TRAPPC9: variants seen among roughly 807,000 people sequenced by gnomAD.
The protein encoded by TRAPPC9 is IKK2 binding protein.
In TRAPPC9, 83 loss-of-function variants were observed where a neutral mutation model predicts 124.0. That is an observed-to-expected ratio of 0.67 (90% CI 0.56 to 0.80). TRAPPC9 has a LOEUF of 0.80. Among genes scored for constraint, TRAPPC9 ranks in the 30% least tolerant of loss-of-function variants. The pLI, the probability that TRAPPC9 is intolerant of heterozygous loss-of-function variation, is 0.00. For synonymous variants in TRAPPC9, 638 were observed against 617.5 expected, an observed-to-expected ratio of 1.03 and a Z score of -0.49; for missense variants, 1,302 against 1,508.3, an observed-to-expected ratio of 0.86 and a Z score of 2.27.
At chr8:140,458,341 C>A (rs762081561), upstream of TRAPPC9, 25 of 1,585,364 alleles carry the variant, frequency 1.6e-5, no homozygotes, top group Non-Finnish European at 2.0e-5. Flanking sequence ...GGGTGGAGGC[C>A]CCGCGGAAGC....
intron 11 of TRAPPC9, among the ~76,000 whole-genome samples, chr8:140,299,858 G>C (rs1046816950): frequency 6.6e-6 from 1 of 152,192 alleles, no homozygotes; most frequent in Non-Finnish European, 1.5e-5. Context: ...ACCCAGGACT[G>C]ACTATCCTGA....
At chr8:140,441,432 GTATATTAGTTTAA>G (rs1195518041) in intron 2 of TRAPPC9, among the ~76,000 whole-genome samples, 6 of 152,146 alleles carry the variant, frequency 3.9e-5, no homozygotes, top group Non-Finnish European at 8.8e-5. Flanking sequence ...AAATACTACT[GTATATTAGTTTAA>G]TATATTTTAA....
chr8:139,926,773 G>A (rs1832846169), intron 19 of TRAPPC9, among the ~76,000 whole-genome samples: 1 of 152,028 alleles, frequency 6.6e-6, no homozygotes. Flanking sequence ...TAGAATGGAG[G>A]TAACTGGGGA....
At chr8:140,167,012 A>G (rs2061851171) in intron 17 of TRAPPC9, among the ~76,000 whole-genome samples, 1 of 152,226 alleles carries the variant, frequency 6.6e-6, no homozygotes, top group Non-Finnish European at 1.5e-5. Flanking sequence ...TGATCTCGCC[A>G]TTATAGTACT....
intron 17 of TRAPPC9, among the ~76,000 whole-genome samples, chr8:140,062,200 T>C (rs1002085604): frequency 1.3e-5 from 2 of 152,144 alleles, no homozygotes; most frequent in African/African-American, 4.8e-5. Context: ...GAAACCAGGA[T>C]GGGCCTCCAC....
intron 16 of TRAPPC9, among the ~76,000 whole-genome samples, chr8:140,238,912 G>A (rs557557127): frequency 6.6e-6 from 1 of 152,326 alleles, no homozygotes; most frequent in South Asian, 2.1e-4. Context: ...GCAAACACCA[G>A]GCAAAGCAAC....
intron 16 of TRAPPC9, among the ~76,000 whole-genome samples, chr8:140,244,667 G>A (rs963517912): frequency 5.3e-5 from 8 of 152,162 alleles, no homozygotes; most frequent in Non-Finnish European, 8.8e-5. Context: ...AAGAGGGCAC[G>A]TGCAGCAGCC....
intron 21 of TRAPPC9, among the ~76,000 whole-genome samples, chr8:139,879,319 C>T (rs550925288): frequency 7.9e-5 from 12 of 152,318 alleles, no homozygotes; most frequent in African/African-American, 2.9e-4. Context: ...GGGAGGGGAG[C>T]TTCCTGGGCT....
chr8:139,908,598 A>C (rs1369663200), intron 20 of TRAPPC9: 1 of 152,162 alleles, frequency 6.6e-6, no homozygotes, highest in Non-Finnish European at 1.5e-5. Flanking sequence ...GGGGGTGAGC[A>C]CTTTGCCAGC....
chr8:140,315,495 GA>G (rs2066420903), intron 9 of TRAPPC9, among the ~76,000 whole-genome samples: 1 of 151,824 alleles, frequency 6.6e-6, no homozygotes, highest in African/African-American at 2.4e-5. Context: ...ATAAAATTTT[GA>G]AAAACAAATT....
At chr8:140,371,920 C>T (rs1383896802) in intron 7 of TRAPPC9, among the ~76,000 whole-genome samples, 2 of 152,210 alleles carry the variant, frequency 1.3e-5, no homozygotes, top group Non-Finnish European at 2.9e-5. Context: ...CCAGGCTGGT[C>T]TCGAACTCCT....
At chr8:139,770,359 C>T (rs540865442) in intron 21 of TRAPPC9, among the ~76,000 whole-genome samples, 13 of 152,372 alleles carry the variant, frequency 8.5e-5, no homozygotes, top group Non-Finnish European at 1.8e-4. Flanking sequence ...TTGAGACTCA[C>T]ATTTCTTTCC....
intron 20 of TRAPPC9, among the ~76,000 whole-genome samples, chr8:139,886,753 A>G (rs1272272935): frequency 6.6e-6 from 1 of 152,196 alleles, no homozygotes; most frequent in Non-Finnish European, 1.5e-5. Context: ...TCTGAAGCAC[A>G]CCATGCACAG....
At chr8:140,091,762 G>A (rs540253931) in intron 17 of TRAPPC9, among the ~76,000 whole-genome samples, 4 of 152,294 alleles carry the variant, frequency 2.6e-5, no homozygotes, top group East Asian at 1.9e-4. Flanking sequence ...CGCCTGCTGC[G>A]ATGAAGTTAC....
At chr8:139,990,160 T>C (rs943417689) in intron 18 of TRAPPC9, among the ~76,000 whole-genome samples, 1 of 152,188 alleles carries the variant, frequency 6.6e-6, no homozygotes, top group Admixed American at 6.5e-5. Context: ...AAGGCTTTGC[T>C]GGCTGTTAAA....
At chr8:140,215,605 C>T (rs562469867) in intron 17 of TRAPPC9, among the ~76,000 whole-genome samples, 2 of 151,188 alleles carry the variant, frequency 1.3e-5, no homozygotes, top group Non-Finnish European at 2.9e-5. Context: ...AAGATCACGC[C>T]ACTGCTCTCC....
At chr8:140,447,251 G>A (rs897936029) in intron 2 of TRAPPC9, among the ~76,000 whole-genome samples, 4 of 152,004 alleles carry the variant, frequency 2.6e-5, no homozygotes, top group East Asian at 1.9e-4. Flanking sequence ...AACACCAAAC[G>A]CCAATGGGTT....
chr8:139,886,104 A>C, intron 20 of TRAPPC9, 135 bp from the exon 21 acceptor site: 1 of 813,374 alleles, frequency 1.2e-6, no homozygotes, highest in Non-Finnish European at 2.1e-6. Flanking sequence ...GGGACTGTCT[A>C]ACCAACCACT....
Position 139,853,440 on chromosome 8 carries a change from C to T in TRAPPC9, c.3055+32439G>A, listed in dbSNP as rs1827619202. Reference sequence around the variant, plus strand: ...TATTCACCAAAGAGACTCTGCCCCACAGGTGGAAGGGACTGGGAAGAAAGG... The same window carrying T: ...TATTCACCAAAGAGACTCTGCCCCATAGGTGGAAGGGACTGGGAAGAAAGG... On this transcript the variant is annotated intron_variant, in intron 21 of 22. Transcript: ENST00000438773. 2.0e-5 allele frequency among the ~76,000 whole-genome samples: 3 copies of T among 152,230 alleles called. No homozygotes were observed. The South Asian group carries it at 6.2e-4, about 31-fold the overall frequency.
Sources: gnomAD v4.1 joint callset for allele counts (sites outside exome capture counted in the v4.1 genomes callset) on GRCh38, gnomAD v4.1.1 for gene constraint, MANE v1.5 for transcripts, NCBI Gene and HGNC (gene_info 2026-07-23, HGNC 2026-07-21) for gene names.